SASH1: variants seen among roughly 807,000 people sequenced by gnomAD.
SASH1 encodes the protein SAM and SH3 domain-containing protein 1.
In SASH1, 44 loss-of-function variants were observed where a neutral mutation model predicts 125.2. That is an observed-to-expected ratio of 0.35 (90% CI 0.28 to 0.45). The LOEUF (loss-of-function observed/expected upper bound fraction) is 0.45, where lower values mean the gene tolerates loss of function less well. Among genes scored for constraint, SASH1 ranks in the 20% least tolerant of loss-of-function variants. The pLI is 1.00. For missense variants in SASH1, 1,426 were observed against 1,614.5 expected (o/e 0.88, Z 2.00); for synonymous variants, 639 against 649.1 (o/e 0.98, Z 0.24).
the SASH1 span, among the ~76,000 whole-genome samples, chr6:148,218,517 C>T: frequency 6.6e-6 from 1 of 152,204 alleles, no homozygotes; most frequent in African/African-American, 2.4e-5. Context: ...TAACACAACA[C>T]AGCTGCCCCA....
chr6:148,493,662 T>C (rs1310439621), intron 8 of SASH1, among the ~76,000 whole-genome samples: 1 of 152,212 alleles, frequency 6.6e-6, no homozygotes, highest in African/African-American at 2.4e-5. Flanking sequence ...TGAAATTAGA[T>C]AATCGCGTGT....
chr6:148,531,517 C>A lies in SASH1; in HGVS notation c.1429-9C>A. The A allele has an allele frequency of 1.3e-6, 2 of 1,497,212 alleles. No individual in the cohort carries two copies. Among genetic ancestry groups the A allele is most frequent in the East Asian group, 5.0e-5 (2 of 40,152 alleles). 92.7% of individuals were successfully genotyped at this position (1,497,212 alleles called of 1,614,324 possible). On this transcript the variant is annotated splice_polypyrimidine_tract_variant and intron_variant, in intron 12 of 19. Coordinates refer to ENST00000367467, the MANE Select transcript of SASH1 (RefSeq NM_015278.5). ...ATGAACTTCTTCATTTTGTTGAAAC[C>A]CATGGCAGGACTCGGGCCTTGATGG...
At chr6:148,383,319 G>A (rs1783227555) in intron 1 of SASH1, among the ~76,000 whole-genome samples, 1 of 152,052 alleles carries the variant, frequency 6.6e-6, no homozygotes, top group Non-Finnish European at 1.5e-5. Context: ...TTTTTTTAAT[G>A]GATTTAGCTT....
chr6:148,208,768 T>G, the SASH1 span, among the ~76,000 whole-genome samples: 1 of 152,210 alleles, frequency 6.6e-6, no homozygotes, highest in African/African-American at 2.4e-5. Context: ...CTTTGCCTAT[T>G]TCTTCATCTT....
chr6:148,303,501 A>G (rs1238232917), intron 1 of SASH1, among the ~76,000 whole-genome samples: 1 of 152,190 alleles, frequency 6.6e-6, no homozygotes, highest in Admixed American at 6.6e-5. Flanking sequence ...ACAAATATGT[A>G]AAAATTACTC....
At chr6:148,412,210 G>C (rs1029099621) in intron 2 of SASH1, among the ~76,000 whole-genome samples, 4 of 152,078 alleles carry the variant, frequency 2.6e-5, no homozygotes, top group African/African-American at 9.7e-5. Flanking sequence ...GAAATTTATG[G>C]TTCACTTAAG....
chr6:148,489,798 C>T (rs2115216666), intron 8 of SASH1, among the ~76,000 whole-genome samples: 1 of 149,928 alleles, frequency 6.7e-6, no homozygotes, highest in African/African-American at 2.5e-5. Context: ...AGTGGATTTT[C>T]ATGCATTGAT....
chr6:148,539,713 T>TGCAGGAGACAAAAATGTGCTG (rs1401148509), intron 16 of SASH1, among the ~76,000 whole-genome samples: 4 of 152,156 alleles, frequency 2.6e-5, no homozygotes, highest in South Asian at 2.1e-4. Flanking sequence ...TTTACTTATA[T>TGCAGGAGACAAAAATGTGCTG]GCAGGAGACA....
intron 2 of SASH1, among the ~76,000 whole-genome samples, chr6:148,431,359 C>T (rs1042645676): frequency 9.2e-5 from 14 of 151,982 alleles, no homozygotes; most frequent in African/African-American, 1.5e-4. Context: ...CCTCCACGCC[C>T]GGCTAATTAT....
chr6:148,268,442 G>A (rs995644134), upstream of SASH1, among the ~76,000 whole-genome samples: 2 of 152,124 alleles, frequency 1.3e-5, no homozygotes, highest in African/African-American at 2.4e-5. Flanking sequence ...CTACTATGTC[G>A]CAGAAAAGTG....
At chr6:148,300,196 G>A (rs1389101717) in intron 1 of SASH1, among the ~76,000 whole-genome samples, 1 of 152,158 alleles carries the variant, frequency 6.6e-6, no homozygotes, top group Non-Finnish European at 1.5e-5. Flanking sequence ...CCTTTCATTA[G>A]TATGATCAGA....
At chr6:148,288,090 TG>T (rs1177486068) in intron 1 of SASH1, among the ~76,000 whole-genome samples, 1 of 152,224 alleles carries the variant, frequency 6.6e-6, no homozygotes, top group Non-Finnish European at 1.5e-5. Context: ...CTTGTGGCAG[TG>T]GGACATAAGC....
At chr6:148,369,945 T>G (rs776246461) in intron 1 of SASH1, among the ~76,000 whole-genome samples, 2 of 118,342 alleles carry the variant, frequency 1.7e-5, no homozygotes, top group East Asian at 2.2e-4. Flanking sequence ...CACAGCGAGA[T>G]TGTCTCAAAA....
intron 1 of SASH1, among the ~76,000 whole-genome samples, chr6:148,285,955 T>C (rs1473317819): frequency 6.6e-6 from 1 of 152,200 alleles, no homozygotes; most frequent in Non-Finnish European, 1.5e-5. Flanking sequence ...AGTTTAGTTC[T>C]ATAAGGAACT....
chr6:148,388,082 A>C (rs1236477486), intron 1 of SASH1, among the ~76,000 whole-genome samples: 2 of 151,496 alleles, frequency 1.3e-5, no homozygotes, highest in East Asian at 3.9e-4. Flanking sequence ...TGCCCAGCTA[A>C]TTTTGTATTT....
intron 9 of SASH1, among the ~76,000 whole-genome samples, chr6:148,518,458 T>C (rs1013524152): frequency 2.0e-5 from 3 of 152,324 alleles, no homozygotes; most frequent in Admixed American, 6.5e-5. Context: ...TTTTAAAGGA[T>C]GGCTGCCGTT....
chr6:148,336,337 A>G (rs111765838), intron 1 of SASH1, among the ~76,000 whole-genome samples: 71 of 151,532 alleles, frequency 4.7e-4, no homozygotes, highest in Middle Eastern at 3.4e-3. Flanking sequence ...CTCCACGCCC[A>G]TTAAATTTTT....
In SASH1 at chr6:148,551,294, C is replaced by T. The variant is rs1286637389; in HGVS notation, c.*2736C>T. On this transcript the variant is annotated 3_prime_UTR_variant, in exon 20 of 20. Coordinates refer to ENST00000367467, the MANE Select transcript of SASH1 (RefSeq NM_015278.5). The stretch of plus-strand genomic sequence containing the variant: ...AGGAATATCCAGTTTTAATCAGTTG[C>T]ATTTGGTACAGAATTTTGAGTAATG... 6.6e-6 allele frequency: 1 copy of T among 152,598 alleles called. No homozygotes were observed. Among genetic ancestry groups the T allele is most frequent in the Middle Eastern group, 3.4e-3 (1 of 294 alleles). The allele number at this position is 152,598 out of a possible 1,614,324, so 9.5% of individuals were successfully genotyped here.
At chr6:148,209,641 A>C in the SASH1 span, among the ~76,000 whole-genome samples, 14 of 152,124 alleles carry the variant, frequency 9.2e-5, no homozygotes, top group African/African-American at 2.7e-4. Flanking sequence ...TCTATATCTC[A>C]AGCCTCCGGA....
Sources: allele counts gnomAD v4.1 joint callset (sites outside exome capture counted in the v4.1 genomes callset), GRCh38; gene constraint gnomAD v4.1.1; transcripts MANE v1.5; gene names NCBI Gene and HGNC (gene_info 2026-07-23, HGNC 2026-07-21).